The following RBM47 variants were observed in gnomAD, a reference collection of about 807,000 sequenced individuals.
RBM47 encodes the protein RNA binding motif protein 47.
In RBM47, 21 loss-of-function variants were observed where a neutral mutation model predicts 47.1. That is an observed-to-expected ratio of 0.45 (90% CI 0.32 to 0.64). RBM47 has a LOEUF of 0.64. Among genes scored for constraint, RBM47 ranks in the 30% least tolerant of loss-of-function variants. The pLI is 0.05. For synonymous variants in RBM47, 375 were observed against 361.7 expected (o/e 1.04, Z -0.42); for missense variants, 708 against 870.9 (o/e 0.81, Z 2.35).
chr4:40,601,882 C>A (rs1479931134), intron 1 of RBM47, among the ~76,000 whole-genome samples: 1 of 152,184 alleles, frequency 6.6e-6, no homozygotes, highest in African/African-American at 2.4e-5. Context: ...TAAGAAATCT[C>A]TCTGGGTCGG....
intron 1 of RBM47, among the ~76,000 whole-genome samples, chr4:40,545,179 G>A (rs1400016327): frequency 1.3e-5 from 2 of 150,222 alleles, no homozygotes; most frequent in African/African-American, 4.9e-5. Flanking sequence ...AGCCTCCCAA[G>A]TAGCTGGGAT....
At chr4:40,575,999 A>G (rs768260360) in intron 1 of RBM47, among the ~76,000 whole-genome samples, 8 of 152,198 alleles carry the variant, frequency 5.3e-5, no homozygotes, top group Non-Finnish European at 1.2e-4. Flanking sequence ...CATTGTTAAT[A>G]GCTCATCTGG....
At chr4:40,488,374 C>T (rs112417831) in intron 2 of RBM47, among the ~76,000 whole-genome samples, 1,675 of 151,162 alleles carry the variant, frequency 0.011, 31 homozygotes, top group African/African-American at 0.038. Flanking sequence ...GAACTTGAGA[C>T]GCTATAAAAT....
At chr4:40,606,897 C>A (rs563276657) in intron 1 of RBM47, among the ~76,000 whole-genome samples, 23 of 152,154 alleles carry the variant, frequency 1.5e-4, no homozygotes, top group African/African-American at 5.1e-4. Flanking sequence ...GTGGGAGGAT[C>A]ACTTGAGACC....
chr4:40,500,105 A>G (rs1278620231), intron 2 of RBM47, among the ~76,000 whole-genome samples: 1 of 152,220 alleles, frequency 6.6e-6, no homozygotes. Flanking sequence ...ACCTGAGGCC[A>G]GGAGTTCGAG....
At chr4:40,426,544 A>C (rs1715071220) in intron 6 of RBM47, among the ~76,000 whole-genome samples, 2 of 152,062 alleles carry the variant, frequency 1.3e-5, no homozygotes, top group African/African-American at 4.8e-5. Flanking sequence ...ACTGTAAAAA[A>C]ATTTTTTTTC....
chr4:40,558,297 T>C (rs181182946), intron 1 of RBM47, among the ~76,000 whole-genome samples: 1 of 152,288 alleles, frequency 6.6e-6, no homozygotes, highest in Admixed American at 6.5e-5. Flanking sequence ...TGTCATTTGC[T>C]TTAACTTAAA....
In RBM47 at chr4:40,490,706, G is replaced by A. The variant is rs1379435198; in HGVS notation, c.-154-24007C>T. Among the ~76,000 whole-genome samples, 6 of 151,342 alleles carry A rather than the reference G, an allele frequency of 4.0e-5. No individual in the cohort carries two copies. In the East Asian group the frequency reaches 5.8e-4, roughly 15 times the overall value. ...GCGGAGGTTGCAGTGAGGAGAGATCGCGCCACTGCACTCCAGCCTGACAAG... is the reference window on the plus strand; with the variant it reads ...GCGGAGGTTGCAGTGAGGAGAGATCACGCCACTGCACTCCAGCCTGACAAG... On this transcript the variant is annotated intron_variant, in intron 2 of 6. Transcript: ENST00000295971.
At chr4:40,442,768 C>T (rs1290899907) in intron 3 of RBM47, among the ~76,000 whole-genome samples, 1 of 152,162 alleles carries the variant, frequency 6.6e-6, no homozygotes, top group Non-Finnish European at 1.5e-5. Context: ...ACCTCCACCT[C>T]TCAGGTTCAA....
intron 2 of RBM47, among the ~76,000 whole-genome samples, chr4:40,497,168 C>T (rs528891234): frequency 3.9e-5 from 6 of 152,252 alleles, no homozygotes; most frequent in African/African-American, 1.4e-4. Context: ...GGCCTTAACT[C>T]CCAAGTTCGA....
intron 1 of RBM47, among the ~76,000 whole-genome samples, chr4:40,544,825 T>G (rs1413469794): frequency 1.3e-5 from 2 of 152,114 alleles, no homozygotes; most frequent in African/African-American, 4.8e-5. Flanking sequence ...ATCACAGCAC[T>G]TTGGAAGGCC....
At chr4:40,478,972 CAT>C (rs145638885) in intron 2 of RBM47, among the ~76,000 whole-genome samples, 2,155 of 152,284 alleles carry the variant, frequency 0.014, 38 homozygotes, top group African/African-American at 0.043. Flanking sequence ...AGAAATTGCA[CAT>C]ATGTGTGCGC....
intron 3 of RBM47, among the ~76,000 whole-genome samples, chr4:40,447,763 C>T (rs987960677): frequency 6.6e-6 from 1 of 152,230 alleles, no homozygotes; most frequent in African/African-American, 2.4e-5. Flanking sequence ...ATAATCCCAG[C>T]ACTTTGGGAG....
chr4:40,593,756 C>T (rs1174644314), intron 1 of RBM47, among the ~76,000 whole-genome samples: 1 of 151,964 alleles, frequency 6.6e-6, no homozygotes, highest in Non-Finnish European at 1.5e-5. Flanking sequence ...TGGTGGCGGG[C>T]ACCTGTAGTC....
chr4:40,555,852 T>G (rs572408590), intron 1 of RBM47, among the ~76,000 whole-genome samples: 171 of 152,050 alleles, frequency 1.1e-3, no homozygotes, highest in Non-Finnish European at 1.4e-3. Context: ...GTGAAGGCAA[T>G]TTGGACCAGC....
rs371006534 is a variant in RBM47 at position 40,618,536 on chromosome 4, G to C, written c.-240+10860C>G. On this transcript the variant is annotated intron_variant, in intron 1 of 6. Transcript: ENST00000295971. ...TAAAAGGGGGAAACTTCTAGCTGGGGGTAGTGGCTCACACCTGTAATTCCA... is the reference window on the plus strand; with the variant it reads ...TAAAAGGGGGAAACTTCTAGCTGGGCGTAGTGGCTCACACCTGTAATTCCA... Among the ~76,000 whole-genome samples the C allele has an allele frequency of 3.3e-3, 508 of 152,122 alleles. 3 individuals are homozygous for C. Among genetic ancestry groups the C allele is most frequent in the African/African-American group, 0.012 (481 of 41,546 alleles).
Position 40,532,595 on chromosome 4 carries a change from G to A in RBM47, c.-155+11827C>T, listed in dbSNP as rs1727512224. 2.0e-5 allele frequency among the ~76,000 whole-genome samples: 3 copies of A among 151,756 alleles called. No individual in the cohort carries two copies. In the South Asian group the frequency reaches 6.2e-4, roughly 31 times the overall value. On this transcript the variant is annotated intron_variant, in intron 2 of 6. Transcript: ENST00000295971. ...CAAAGTGCTGGGATTACAGGCGTGA[G>A]CCACCATGCCTGGCCTTTTTAAAAA...
rs559202998 is a variant in RBM47 at position 40,532,629 on chromosome 4, T to C, written c.-155+11793A>G. On this transcript the variant is annotated intron_variant, in intron 2 of 6. Transcript: ENST00000295971. ...CCTGGCCTTTTTAAAAAAAATATTATTCTTTTTCCTTTTTTTTTTCTTTTT... is the reference window on the plus strand; with the variant it reads ...CCTGGCCTTTTTAAAAAAAATATTACTCTTTTTCCTTTTTTTTTTCTTTTT... Among the ~76,000 whole-genome samples, 6 of 150,488 alleles carry C rather than the reference T, an allele frequency of 4.0e-5. No homozygotes were observed. The South Asian group carries it at 1.3e-3, about 31-fold the overall frequency.
intron 1 of RBM47, among the ~76,000 whole-genome samples, chr4:40,623,527 T>A (rs1319626712): frequency 6.6e-6 from 1 of 152,056 alleles, no homozygotes; most frequent in East Asian, 1.9e-4. Flanking sequence ...AGAGGTGAGA[T>A]CTCACTATGT....
Sources: allele counts gnomAD v4.1 joint callset (sites outside exome capture counted in the v4.1 genomes callset), GRCh38; gene constraint gnomAD v4.1.1; transcripts MANE v1.5; gene names NCBI Gene and HGNC (gene_info 2026-07-23, HGNC 2026-07-21).